The following UBE2F variants were observed in gnomAD, a reference collection of about 807,000 sequenced individuals.
The protein encoded by UBE2F is ubiquitin conjugating enzyme E2 F (putative), also known as NEDD8-conjugating enzyme UBE2F.
In UBE2F, 5 loss-of-function variants were observed where a neutral mutation model predicts 29.6. The ratio of observed to expected loss-of-function variants is 0.17; its 90% CI spans 0.09 to 0.36. The LOEUF (loss-of-function observed/expected upper bound fraction) is 0.36. Ranked by LOEUF, UBE2F falls within the 10% of genes least tolerant of loss-of-function variation. The pLI, the probability that UBE2F is intolerant of heterozygous loss-of-function variation, is 1.00. For synonymous variants in UBE2F, 66 were observed against 81.8 expected (o/e 0.81, Z 1.04); for missense variants, 141 against 228.5 (o/e 0.62, Z 2.47).
rs1047772935 is a variant in UBE2F, at chr2:237,967,926, C to T, written c.-17+794C>T. The stretch of plus-strand genomic sequence containing the variant: ...GGTCCCCCCACTCTGCATTCCCGAC[C>T]GCCTGGAAGTGGGGGCAGGATGGGT... On this transcript the variant is annotated intron_variant, in intron 1 of 9. Coordinates refer to ENST00000272930, the MANE Select transcript of UBE2F (RefSeq NM_080678.3). This position sits in a 1 kb window ranked among gnomAD's most constrained non-coding sequence, Gnocchi z 6.3. Among the ~76,000 whole-genome samples, 2 of 152,106 alleles carry T rather than the reference C, an allele frequency of 1.3e-5. No homozygotes were observed. The highest frequency in any genetic ancestry group is 2.4e-5 in the African/African-American group (1 of 41,402).
chr2:238,032,301 G>T, intron 8 of UBE2F, 47 bp downstream of exon 8: 1 of 1,517,542 alleles, frequency 6.6e-7, no homozygotes. Context: ...TTTCCTTGTT[G>T]CTGGTTTTAG....
chr2:237,996,337 G>A (rs1458393185), intron 4 of UBE2F, among the ~76,000 whole-genome samples: 1 of 152,108 alleles, frequency 6.6e-6, no homozygotes, highest in African/African-American at 2.4e-5. Flanking sequence ...GGGATTCTGT[G>A]GCTCTGCCCA....
At chr2:237,986,142 C>CT (rs66771814) in intron 2 of UBE2F, 6,660 of 259,812 alleles carry the variant, frequency 0.026, 242 homozygotes, top group African/African-American at 0.13. Context: ...CTTTTCTTTT[C>CT]TTTTTTTTTT....
chr2:238,025,480 A>T, intron 6 of UBE2F, 68 bp downstream of exon 6: 3 of 1,385,636 alleles, frequency 2.2e-6, no homozygotes, highest in Non-Finnish European at 3.0e-6. Flanking sequence ...GCTTTTAAAC[A>T]TGTTGTCTCC....
intron 2 of UBE2F, among the ~76,000 whole-genome samples, chr2:237,974,707 G>T (rs2063244098): frequency 6.6e-6 from 1 of 151,556 alleles, no homozygotes; most frequent in African/African-American, 2.4e-5. Flanking sequence ...TAGAGATGGG[G>T]TTTCGCCACG....
chr2:237,978,432 C>G (rs1204290076), intron 2 of UBE2F, among the ~76,000 whole-genome samples: 2 of 152,190 alleles, frequency 1.3e-5, no homozygotes. Flanking sequence ...GAGGCCCCTT[C>G]TTTTTCTTGG....
At chr2:238,003,750 A>T (rs907471926) in intron 4 of UBE2F, among the ~76,000 whole-genome samples, 38 of 152,160 alleles carry the variant, frequency 2.5e-4, no homozygotes, top group African/African-American at 8.9e-4. Context: ...TATCTTTTTT[A>T]AGAATCATGT....
intron 4 of UBE2F, among the ~76,000 whole-genome samples, chr2:238,014,069 G>T (rs1576624259): frequency 6.6e-6 from 1 of 152,276 alleles, no homozygotes; most frequent in East Asian, 1.9e-4. Flanking sequence ...CTCCGCCTTG[G>T]GCCAGGTACT....
At chr2:238,039,505 C>T (rs750213396) in intron 9 of UBE2F, among the ~76,000 whole-genome samples, 8 of 152,252 alleles carry the variant, frequency 5.3e-5, no homozygotes, top group Non-Finnish European at 7.3e-5. Context: ...ACTTGTTTCT[C>T]ACAACAGCCC....
chr2:238,026,343 CTT>C (rs1471511294), intron 6 of UBE2F, among the ~76,000 whole-genome samples: 2 of 152,210 alleles, frequency 1.3e-5, no homozygotes, highest in Non-Finnish European at 2.9e-5. Flanking sequence ...TTCCGTATCT[CTT>C]TTCTTTCATT....
At chr2:238,012,229 A>G (rs2064051453) in intron 4 of UBE2F, among the ~76,000 whole-genome samples, 2 of 151,948 alleles carry the variant, frequency 1.3e-5, no homozygotes, top group Non-Finnish European at 2.9e-5. Context: ...GTTAGATTAG[A>G]TTCCTTCTTC....
intron 1 of UBE2F, among the ~76,000 whole-genome samples, chr2:237,972,541 ATTTTTTTTTTT>A (rs57914670): frequency 2.4e-5 from 3 of 124,254 alleles, no homozygotes; most frequent in East Asian, 2.2e-4. Context: ...TTAATTTTAA[ATTTTTTTTTTT>A]TTTTTTTTTT....
intron 1 of UBE2F, among the ~76,000 whole-genome samples, chr2:237,972,423 T>A (rs2063193143): frequency 6.6e-6 from 1 of 152,198 alleles, no homozygotes; most frequent in Non-Finnish European, 1.5e-5. Context: ...GAGGGCATGC[T>A]GGTTGAGAAA....
At chr2:237,998,092 C>A (rs981428845) in intron 4 of UBE2F, among the ~76,000 whole-genome samples, 2 of 152,078 alleles carry the variant, frequency 1.3e-5, no homozygotes, top group East Asian at 3.9e-4. Context: ...CTGAAGGGAA[C>A]ATGGCTTTAA....
At chr2:238,030,670 G>A in intron 7 of UBE2F, 57 bp downstream of exon 7, 1 of 1,347,476 alleles carries the variant, frequency 7.4e-7, no homozygotes, top group Non-Finnish European at 1.1e-6. Context: ...TCTCCCTGCA[G>A]TAGCCAGCCT....
In UBE2F at chr2:238,013,413, C is replaced by T. The variant is rs937071897; in HGVS notation, c.215-3153C>T. 3.9e-5 allele frequency among the ~76,000 whole-genome samples: 6 copies of T among 152,248 alleles called. No homozygotes were observed. In the East Asian group the frequency reaches 5.8e-4, roughly 15 times the overall value. On this transcript the variant is annotated intron_variant, in intron 4 of 9. Coordinates refer to ENST00000272930, the MANE Select transcript of UBE2F (RefSeq NM_080678.3). ...TGAGGTGGCTTTACCCTTATCAGTG[C>T]GTCACGGGTACTTTTGTCCCCTGGG...
intron 7 of UBE2F, among the ~76,000 whole-genome samples, chr2:238,031,945 C>T (rs920580144): frequency 6.6e-6 from 1 of 152,268 alleles, no homozygotes; most frequent in Admixed American, 6.5e-5. Flanking sequence ...CCTGCGGGCC[C>T]TGTCGTGCAG....
chr2:238,022,215 G>A (rs1002107888), intron 5 of UBE2F, among the ~76,000 whole-genome samples: 5 of 146,410 alleles, frequency 3.4e-5, no homozygotes, highest in Non-Finnish European at 5.9e-5. Flanking sequence ...TGTCCCCCAG[G>A]CTGGAGTCCG....
chr2:237,987,608 G>T (rs1045120729), intron 2 of UBE2F, among the ~76,000 whole-genome samples: 5 of 152,170 alleles, frequency 3.3e-5, no homozygotes, highest in Non-Finnish European at 7.3e-5. Flanking sequence ...TAGACACAAG[G>T]TGCATATAGA....
Sources: allele counts gnomAD v4.1 joint callset (sites outside exome capture counted in the v4.1 genomes callset), GRCh38; gene constraint gnomAD v4.1.1; non-coding constraint Gnocchi (gnomAD v3.1); transcripts MANE v1.5; gene names NCBI Gene and HGNC (gene_info 2026-07-23, HGNC 2026-07-21).